Variants in ANXA3 observed in about 807,000 individuals in gnomAD.
ANXA3 encodes the protein annexin A3.
In ANXA3, 46 loss-of-function variants were observed where a neutral mutation model predicts 48.8. The ratio of observed to expected loss-of-function variants is 0.94; its 90% CI spans 0.74 to 1.21. The LOEUF is 1.21. ANXA3 is among the 50% of genes most tolerant of loss of function. The pLI is 0.00. For synonymous variants in ANXA3, 128 were observed against 134.7 expected (o/e 0.95, Z 0.35); for missense variants, 383 against 378.6 (o/e 1.01, Z -0.10).
chr4:78,574,182 G>C (rs903492477), intron 3 of ANXA3, among the ~76,000 whole-genome samples: 1 of 152,160 alleles, frequency 6.6e-6, no homozygotes, highest in South Asian at 2.1e-4. Flanking sequence ...ACTTTGGGAG[G>C]GGGAGGCAGG....
intron 3 of ANXA3, among the ~76,000 whole-genome samples, chr4:78,576,039 C>G (rs373296966): frequency 1.3e-5 from 2 of 151,986 alleles, no homozygotes; most frequent in East Asian, 3.8e-4. Flanking sequence ...TTTTTCTCTT[C>G]TCTGTTATGC....
chr4:78,551,958 C>A (rs1290203802), intron 1 of ANXA3, 99 bp downstream of exon 1: 2 of 152,296 alleles, frequency 1.3e-5, no homozygotes, highest in African/African-American at 4.8e-5. Flanking sequence ...AGTTCCCCCG[C>A]GAGTGCAGCT....
chr4:78,574,239 G>A (rs1489425886), intron 3 of ANXA3, among the ~76,000 whole-genome samples: 1 of 152,082 alleles, frequency 6.6e-6, no homozygotes, highest in Non-Finnish European at 1.5e-5. Context: ...GCAATATAAG[G>A]AGGGCCCTTC....
At position 78,586,301 on chromosome 4, in the gene ANXA3, T is replaced by C; in HGVS notation, c.354T>C (p.Thr118=). The change falls in exon 6 of 13, where the codon ACT becomes ACC. Residue 118 remains threonine (T), a synonymous_variant. Transcript: ENST00000264908. Reference sequence around the variant, plus strand: ...AAGATGCCTTGATTGAAATCTTAACTACCAGGACAAGCAGGCAAATGAAGG... The same window carrying C: ...AAGATGCCTTGATTGAAATCTTAACCACCAGGACAAGCAGGCAAATGAAGG... ...TNEDALIEIL[T]TRTSRQMKDI... The C allele has an allele frequency of 6.2e-7, 1 of 1,613,798 alleles. No individual in the cohort carries two copies. Among genetic ancestry groups the C allele is most frequent in the South Asian group, 1.1e-5 (1 of 91,066 alleles).
chr4:78,574,491 C>G (rs1296979660), intron 3 of ANXA3, among the ~76,000 whole-genome samples: 2 of 152,188 alleles, frequency 1.3e-5, no homozygotes, highest in African/African-American at 4.8e-5. Flanking sequence ...ACTCTTGCCC[C>G]TTTCCCTAGA....
At chr4:78,554,311 T>G in intron 1 of ANXA3, 125 bp from the exon 2 acceptor site, 2 of 692,132 alleles carry the variant, frequency 2.9e-6, no homozygotes, top group South Asian at 3.4e-5. Flanking sequence ...TATATGCTCT[T>G]CCTGAGAAGG....
At chr4:78,572,971 G>C in intron 2 of ANXA3, 2 of 659,566 alleles carry the variant, frequency 3.0e-6, no homozygotes, top group South Asian at 2.9e-5. Flanking sequence ...CAGCCTGTGA[G>C]GCTAGAAGCA....
intron 3 of ANXA3, among the ~76,000 whole-genome samples, chr4:78,574,824 C>T (rs908085631): frequency 2.6e-5 from 4 of 152,102 alleles, no homozygotes; most frequent in Admixed American, 1.3e-4. Context: ...ATGAATATTC[C>T]TCTCATGTCT....
rs373519447 is a variant in ANXA3 at position 78,610,124 on chromosome 4, G to C, written c.*9G>C. 5.8e-5 allele frequency: 93 copies of C among 1,604,502 alleles called. No homozygotes were observed. The highest frequency in any genetic ancestry group is 2.2e-5 in the South Asian group (2 of 90,028). On this transcript the variant is annotated 3_prime_UTR_variant, in exon 13 of 13. Coordinates refer to ENST00000264908, the MANE Select transcript of ANXA3 (RefSeq NM_005139.3). ...GTGGTGGAGATGACTGAACCAAGAA[G>C]ATAATCTCCAAAGGTCCACGATGGG...
At chr4:78,583,784 C>A (rs1055657234) in intron 5 of ANXA3, among the ~76,000 whole-genome samples, 3 of 152,172 alleles carry the variant, frequency 2.0e-5, no homozygotes, top group Non-Finnish European at 4.4e-5. Flanking sequence ...TAAACAGAAG[C>A]CTTGCCTCTG....
rs757867419 is a variant in ANXA3, at chr4:78,579,159, A to G, written c.198+38A>G. 6.3e-6 allele frequency: 9 copies of G among 1,433,128 alleles called. No individual in the cohort carries two copies. The South Asian group carries it at 7.1e-5, about 11-fold the overall frequency. The allele number at this position is 1,433,128 out of a possible 1,614,324, so 88.8% of individuals were successfully genotyped here. ...TAACATGACAGGCAGTAAAGAGATC[A>G]TTAATGTACCATGGTCGCTCCCACA... On this transcript the variant is annotated intron_variant, in intron 4 of 12. Transcript: ENST00000264908.
intron 12 of ANXA3, among the ~76,000 whole-genome samples, chr4:78,605,854 C>A (rs761317444): frequency 1.3e-5 from 2 of 152,258 alleles, no homozygotes; most frequent in Non-Finnish European, 2.9e-5. Flanking sequence ...ACCTTAAGCT[C>A]GTGGTTCAAA....
chr4:78,572,046 C>T (rs1008398032), intron 2 of ANXA3, among the ~76,000 whole-genome samples: 5 of 152,222 alleles, frequency 3.3e-5, no homozygotes, highest in Non-Finnish European at 4.4e-5. Context: ...ATCTTGAAGT[C>T]TGTAAACCAC....
chr4:78,573,253 C>G lies in ANXA3; in HGVS notation c.89C>G (p.Ala30Gly). 6.2e-7 allele frequency: 1 copy of G among 1,611,156 alleles called. No homozygotes were observed. The highest frequency in any genetic ancestry group is 1.1e-5 in the South Asian group (1 of 91,006). ...PSVDAEAIQK[A>G]IRGIGTDEKM... ...GTGGATGCTGAAGCTATTCAGAAAG[C>G]AATCAGAGGAATTGGTGAGTGATAT... The change falls in exon 3 of 13, where the codon GCA becomes GGA. Residue 30 changes from alanine (A) to glycine (G), a missense_variant. Ala to Gly is a moderately conservative substitution (Grantham distance 60). Transcript: ENST00000264908.
chr4:78,552,388 T>G (rs933444790), intron 1 of ANXA3: 3 of 152,238 alleles, frequency 2.0e-5, no homozygotes, highest in Admixed American at 2.0e-4. Flanking sequence ...TATTTTATTT[T>G]ACTTATTTTT....
At chr4:78,567,865 T>C (rs1722763577) in intron 2 of ANXA3, among the ~76,000 whole-genome samples, 1 of 152,264 alleles carries the variant, frequency 6.6e-6, no homozygotes, top group Non-Finnish European at 1.5e-5. Context: ...AAGATATCTC[T>C]TGAGTATCTG....
intron 5 of ANXA3, among the ~76,000 whole-genome samples, chr4:78,583,099 G>A (rs1723105475): frequency 6.6e-6 from 1 of 152,212 alleles, no homozygotes; most frequent in South Asian, 2.1e-4. Context: ...AATACTTTGG[G>A]AGGCCAAGGT....
rs534368584 is a variant in ANXA3, at chr4:78,572,849, T to C, written c.16-331T>C. ...ATCCTCCTAACTTGGTAGACTTCCA[T>C]TAATTTTACAAGGGTAGTTTAGCTT... On this transcript the variant is annotated intron_variant, in intron 2 of 12. Transcript: ENST00000264908. Among the ~76,000 whole-genome samples, 4 of 152,336 alleles carry C rather than the reference T, an allele frequency of 2.6e-5. No homozygotes were observed. The East Asian group carries it at 7.7e-4, about 29-fold the overall frequency.
chr4:78,587,059 T>C lies in ANXA3; in HGVS notation c.403+709T>C, dbSNP rs180882859. 3.0e-3 allele frequency among the ~76,000 whole-genome samples: 460 copies of C among 152,236 alleles called. 2 individuals are homozygous for C. The highest frequency in any genetic ancestry group is 0.01 in the African/African-American group (418 of 41,526). ...TGCTGTGTTCACAAATGCGATATTA[T>C]CATAAAGGAAACAAATCAGGGCCAA... On this transcript the variant is annotated intron_variant, in intron 6 of 12. Coordinates refer to ENST00000264908, the MANE Select transcript of ANXA3 (RefSeq NM_005139.3).
Sources: allele counts gnomAD v4.1 joint callset (sites outside exome capture counted in the v4.1 genomes callset), GRCh38; gene constraint gnomAD v4.1.1; transcripts MANE v1.5; gene names NCBI Gene and HGNC (gene_info 2026-07-23, HGNC 2026-07-21).